Variants in CTTNBP2NL observed in about 807,000 individuals in gnomAD.
The protein encoded by CTTNBP2NL is CTTNBP2 N-terminal-like protein.
A neutral mutation model predicts 32.5 loss-of-function variants in CTTNBP2NL; 16 were observed. That is an observed-to-expected ratio of 0.49 (90% CI 0.33 to 0.75). The LOEUF is 0.75. Among genes scored for constraint, CTTNBP2NL ranks in the 30% least tolerant of loss-of-function variants. CTTNBP2NL has a pLI of 0.02. For missense variants in CTTNBP2NL, 645 were observed against 756.0 expected (o/e 0.85, Z 1.72); for synonymous variants, 298 against 289.4 (o/e 1.03, Z -0.30).
At chr1:112,403,321 C>A (rs1648558836) in intron 1 of CTTNBP2NL, among the ~76,000 whole-genome samples, 1 of 152,088 alleles carries the variant, frequency 6.6e-6, no homozygotes, top group Non-Finnish European at 1.5e-5. Context: ...GAGTGGCTTC[C>A]CATTTTCTAA....
chr1:112,415,757 A>G (rs1187591899), intron 2 of CTTNBP2NL: 6 of 212,382 alleles, frequency 2.8e-5, no homozygotes, highest in Admixed American at 6.1e-5. Context: ...GGGTTTTACC[A>G]TGTTGGCCGG....
intron 3 of CTTNBP2NL, among the ~76,000 whole-genome samples, chr1:112,433,255 G>GT (rs1553225724): frequency 3.7e-4 from 56 of 151,416 alleles, no homozygotes; most frequent in Middle Eastern, 3.4e-3. Context: ...TTTGTGTGGG[G>GT]GTGTGTGTGT....
chr1:112,428,212 T>C (rs1442269197), intron 3 of CTTNBP2NL, among the ~76,000 whole-genome samples: 1 of 152,184 alleles, frequency 6.6e-6, no homozygotes, highest in African/African-American at 2.4e-5. Context: ...TATTTTAATT[T>C]TTTCTTCAGA....
chr1:112,418,800 A>G (rs894092161), intron 3 of CTTNBP2NL, among the ~76,000 whole-genome samples: 1 of 152,144 alleles, frequency 6.6e-6, no homozygotes, highest in African/African-American at 2.4e-5. Context: ...TCAGAGGAGA[A>G]TAAAGGAAGG....
rs778925507 is a variant in CTTNBP2NL, at chr1:112,456,874, C to T, written c.1382C>T (p.Ala461Val). 6.2e-6 allele frequency: 10 copies of T among 1,614,020 alleles called. No homozygotes were observed. Among genetic ancestry groups the T allele is most frequent in the Admixed American group, 1.7e-5 (1 of 59,988 alleles). ...GTAGGGATCAACCAACGGTTCCATG[C>T]AGCTCGCCACAAATTTCAGTCCCAA... ...YQVGINQRFH[A>V]ARHKFQSQAD... Residue 461 changes from alanine to valine, a missense_variant, in exon 6 of 6, where the codon GCA becomes GTA. Transcript: ENST00000271277.
At chr1:112,433,944 C>T (rs1187897400) in intron 3 of CTTNBP2NL, among the ~76,000 whole-genome samples, 2 of 151,280 alleles carry the variant, frequency 1.3e-5, no homozygotes, top group East Asian at 1.9e-4. Flanking sequence ...TGCCATGTTG[C>T]CCAGGCTAGT....
Position 112,457,257 on chromosome 1 carries a change from C to T in CTTNBP2NL, c.1765C>T (p.Leu589Phe). Residue 589 changes from leucine to phenylalanine, a missense_variant, in exon 6 of 6, where the codon CTC becomes TTC. By Grantham distance (22) the Leu-to-Phe change is conservative. Transcript: ENST00000271277. Reference sequence around the variant, plus strand: ...ACCCATCCCACCCAAGAAACCTGGCCTCACCCCTTCTCCATCTGCTACCAC... The same window carrying T: ...ACCCATCCCACCCAAGAAACCTGGCTTCACCCCTTCTCCATCTGCTACCAC... ...PPPIPPKKPGLTPSPSATTPL... is the reference protein window; with the variant it reads ...PPPIPPKKPGFTPSPSATTPL... 6.2e-7 allele frequency: 1 copy of T among 1,614,162 alleles called. No homozygotes were observed. The highest frequency in any genetic ancestry group is 8.5e-7 in the Non-Finnish European group (1 of 1,180,022).
At chr1:112,434,386 A>G (rs1649664728) in intron 3 of CTTNBP2NL, among the ~76,000 whole-genome samples, 1 of 152,132 alleles carries the variant, frequency 6.6e-6, no homozygotes, top group Non-Finnish European at 1.5e-5. Context: ...TAAATACTTC[A>G]AAGTATCTGT....
At chr1:112,425,606 A>G (rs750409991) in intron 3 of CTTNBP2NL, among the ~76,000 whole-genome samples, 6 of 152,042 alleles carry the variant, frequency 3.9e-5, no homozygotes, top group South Asian at 2.1e-4. Flanking sequence ...GCTCATGCCT[A>G]TAATCCCAGT....
At chr1:112,392,233 G>A (rs1489073044), upstream of CTTNBP2NL, among the ~76,000 whole-genome samples, 1 of 152,066 alleles carries the variant, frequency 6.6e-6, no homozygotes, top group Non-Finnish European at 1.5e-5. Flanking sequence ...CCATGACTTT[G>A]GACCTCTTTG....
chr1:112,415,287 A>G (rs1222084101), intron 2 of CTTNBP2NL, among the ~76,000 whole-genome samples: 1 of 152,212 alleles, frequency 6.6e-6, no homozygotes, highest in Non-Finnish European at 1.5e-5. Context: ...TTTACTATAC[A>G]AGATATAAAT....
rs1338964038 is a variant in CTTNBP2NL at position 112,397,386 on chromosome 1, CCTATGTCCTT to C, written c.-134+1115_-134+1124del. ...CATCTAGGTTTATGATTAATCTAGT[CCTATGTCCTT>C]TGGTAACTCTCTAACCCCTTTTTTA... On this transcript the variant is annotated intron_variant, in intron 1 of 5. Coordinates refer to ENST00000271277, the MANE Select transcript of CTTNBP2NL (RefSeq NM_018704.3). 2.0e-5 allele frequency among the ~76,000 whole-genome samples: 3 copies of C among 152,206 alleles called. No homozygotes were observed. In the East Asian group the frequency reaches 5.8e-4, roughly 29 times the overall value.
Position 112,457,117 on chromosome 1 carries a change from C to T in CTTNBP2NL, c.1625C>T (p.Pro542Leu). Reference protein sequence around the residue: ...DYRNLANTANPRGDTSHSPTP... With the variant: ...DYRNLANTANLRGDTSHSPTP... ...CGAAATCTAGCCAACACTGCCAATC[C>T]AAGAGGTGACACAAGCCATTCACCT... The change falls in exon 6 of 6, where the codon CCA (proline) becomes CTA (leucine). Residue 542 changes from proline to leucine, a missense_variant. By Grantham distance (98) the Pro-to-Leu change is moderately conservative. Coordinates refer to ENST00000271277, the MANE Select transcript of CTTNBP2NL (RefSeq NM_018704.3). The T allele has an allele frequency of 6.2e-7, 1 of 1,614,170 alleles. No homozygotes were observed. The highest frequency in any genetic ancestry group is 8.5e-7 in the Non-Finnish European group (1 of 1,180,042).
At chr1:112,424,342 T>C (rs1435168324) in intron 3 of CTTNBP2NL, among the ~76,000 whole-genome samples, 1 of 152,218 alleles carries the variant, frequency 6.6e-6, no homozygotes, top group East Asian at 1.9e-4. Context: ...CATATATTCA[T>C]GTGTTTATTT....
intron 1 of CTTNBP2NL, among the ~76,000 whole-genome samples, chr1:112,409,202 T>C (rs1188564756): frequency 3.3e-5 from 5 of 151,118 alleles, no homozygotes; most frequent in African/African-American, 1.2e-4. Context: ...CGCTAATCAC[T>C]AATCACTTTG....
intron 1 of CTTNBP2NL, among the ~76,000 whole-genome samples, chr1:112,410,588 A>G (rs1211592756): frequency 1.3e-5 from 2 of 152,184 alleles, no homozygotes; most frequent in Non-Finnish European, 2.9e-5. Flanking sequence ...GTATCCAGAT[A>G]ATTTGTCTAC....
At chr1:112,453,720 G>A (rs2101033941) in intron 4 of CTTNBP2NL, among the ~76,000 whole-genome samples, 1 of 152,174 alleles carries the variant, frequency 6.6e-6, no homozygotes, top group East Asian at 1.9e-4. Context: ...CACTACTACA[G>A]TCCAGCCTGG....
At chr1:112,423,969 C>T (rs527691311) in intron 3 of CTTNBP2NL, among the ~76,000 whole-genome samples, 2 of 152,258 alleles carry the variant, frequency 1.3e-5, no homozygotes, top group African/African-American at 4.8e-5. Flanking sequence ...GTGACCCACT[C>T]GCCTCAGCCT....
intron 3 of CTTNBP2NL, among the ~76,000 whole-genome samples, chr1:112,425,341 C>T (rs1649363302): frequency 6.6e-6 from 1 of 151,868 alleles, no homozygotes; most frequent in Non-Finnish European, 1.5e-5. Flanking sequence ...CGAGGTGGCA[C>T]ACGCCTGTAG....
Sources: gnomAD v4.1 joint callset for allele counts (sites outside exome capture counted in the v4.1 genomes callset) on GRCh38, gnomAD v4.1.1 for gene constraint, MANE v1.5 for transcripts, NCBI Gene and HGNC (gene_info 2026-07-23, HGNC 2026-07-21) for gene names.